Variants in NDUFAF6 observed in about 807,000 individuals in gnomAD.
The protein encoded by NDUFAF6 is NADH:ubiquinone oxidoreductase complex assembly factor 6.
NDUFAF6 carries 45 observed loss-of-function variants against 40.8 expected under a neutral mutation model. The ratio of observed to expected loss-of-function variants is 1.10; its 90% CI spans 0.87 to 1.42. The LOEUF (loss-of-function observed/expected upper bound fraction) is 1.42, where lower values mean the gene tolerates loss of function less well. Among genes scored for constraint, NDUFAF6 ranks in the 40% most tolerant of loss-of-function variants. The probability of loss-of-function intolerance (pLI) is 0.00; values close to 1 mark genes in which losing one functional copy is unlikely to be tolerated. For synonymous variants in NDUFAF6, 185 were observed against 155.9 expected (o/e 1.19, Z -1.39); for missense variants, 435 against 418.5 (o/e 1.04, Z -0.34).
chr8:94,903,516 A>G (rs1563695117), intron 1 of NDUFAF6, among the ~76,000 whole-genome samples: 1 of 152,244 alleles, frequency 6.6e-6, no homozygotes, highest in African/African-American at 2.4e-5. Context: ...TAAAATTTGA[A>G]AGCATGTAAT....
upstream of NDUFAF6, among the ~76,000 whole-genome samples, chr8:95,021,517 G>A (rs1385294374): frequency 6.6e-6 from 1 of 152,142 alleles, no homozygotes; most frequent in African/African-American, 2.4e-5. Flanking sequence ...AACTCTGTGA[G>A]CCTTTTCCCT....
At chr8:94,920,127 GGATAA>G (rs1334772367) in intron 1 of NDUFAF6, among the ~76,000 whole-genome samples, 1 of 152,036 alleles carries the variant, frequency 6.6e-6, no homozygotes, top group Non-Finnish European at 1.5e-5. Flanking sequence ...AACACTACAT[GGATAA>G]GATGATAATA....
chr8:94,902,027 C>T (rs1818050406), intron 1 of NDUFAF6, among the ~76,000 whole-genome samples: 1 of 152,028 alleles, frequency 6.6e-6, no homozygotes, highest in East Asian at 1.9e-4. Context: ...TCCATCATTC[C>T]ATCTTATTTT....
At chr8:95,118,063 A>G (rs149197798), downstream of NDUFAF6, among the ~76,000 whole-genome samples, 1 of 152,202 alleles carries the variant, frequency 6.6e-6, no homozygotes, top group Non-Finnish European at 1.5e-5. Context: ...AGTCACCCTA[A>G]CAACTCATCT....
At chr8:94,948,714 C>T (rs906122930) in intron 2 of NDUFAF6, among the ~76,000 whole-genome samples, 10 of 152,118 alleles carry the variant, frequency 6.6e-5, no homozygotes, top group Non-Finnish European at 1.2e-4. Context: ...GACGCCGAGT[C>T]CCGAAGGGGC....
intron 2 of NDUFAF6, among the ~76,000 whole-genome samples, chr8:95,090,150 G>GGT (rs10674150): frequency 0.87 from 131,523 of 151,918 alleles, 57,204 homozygotes; most frequent in East Asian, 1. Context: ...GATTATGTCT[G>GGT]TCTATTCGGT....
chr8:95,025,065 C>G lies in NDUFAF6; in HGVS notation c.57C>G (p.Gly19=). ...VWGPLRLGIP[G]LCCRRPPLGL... ...GGCCGTTGCGGCTTGGCATCCCCGG[C>G]CTGTGCTGCCGCCGGCCGCCTCTGG... The change falls in exon 1 of 9, where the codon GGC becomes GGG. Residue 19 remains glycine (G), a synonymous_variant. Transcript: ENST00000396124. The G allele has an allele frequency of 7.0e-7, 1 of 1,434,616 alleles. No homozygotes were observed. The highest frequency in any genetic ancestry group is 9.0e-7 in the Non-Finnish European group (1 of 1,105,128). The allele number at this position is 1,434,616 out of a possible 1,614,324, so 88.9% of individuals were successfully genotyped here.
intron 1 of NDUFAF6, among the ~76,000 whole-genome samples, chr8:94,976,672 T>A (rs1824975257): frequency 6.7e-6 from 1 of 148,400 alleles, no homozygotes; most frequent in Non-Finnish European, 1.5e-5. Flanking sequence ...AGACTTCATC[T>A]AAAAAAAAAA....
intron 4 of NDUFAF6, among the ~76,000 whole-genome samples, chr8:95,042,470 T>G (rs1587097463): frequency 6.6e-6 from 1 of 152,308 alleles, no homozygotes; most frequent in East Asian, 1.9e-4. Flanking sequence ...TAAAGAAAAT[T>G]AGGGAACTCA....
At chr8:95,110,979 G>A (rs548573524) in intron 4 of NDUFAF6, among the ~76,000 whole-genome samples, 7 of 152,246 alleles carry the variant, frequency 4.6e-5, no homozygotes, top group Non-Finnish European at 7.3e-5. Context: ...ATCCCAACTC[G>A]CTGATCCCCC....
chr8:95,062,677 C>G (rs995545351), downstream of NDUFAF6, among the ~76,000 whole-genome samples: 7 of 152,208 alleles, frequency 4.6e-5, no homozygotes, highest in Non-Finnish European at 1.0e-4. Context: ...TTGAGGCTGA[C>G]TTCACAAAGC....
At chr8:94,901,049 TG>T (rs2131169658) in intron 1 of NDUFAF6, among the ~76,000 whole-genome samples, 1 of 152,282 alleles carries the variant, frequency 6.6e-6, no homozygotes, top group East Asian at 1.9e-4. Flanking sequence ...GGAGGTGCTA[TG>T]TTAGCTGTTT....
chr8:94,995,551 G>A (rs1249152874), intron 2 of NDUFAF6, among the ~76,000 whole-genome samples: 1 of 151,730 alleles, frequency 6.6e-6, no homozygotes, highest in Non-Finnish European at 1.5e-5. Context: ...ATTGCATGAG[G>A]CCAGGAGTTT....
At chr8:95,111,561 C>T (rs187729111) in intron 4 of NDUFAF6, among the ~76,000 whole-genome samples, 1 of 152,320 alleles carries the variant, frequency 6.6e-6, no homozygotes, top group East Asian at 1.9e-4. Context: ...ATGGTTCCAA[C>T]ATCTTGCTCG....
intron 1 of NDUFAF6, among the ~76,000 whole-genome samples, chr8:95,026,348 G>T (rs1328275621): frequency 1.3e-5 from 2 of 152,120 alleles, no homozygotes; most frequent in African/African-American, 4.8e-5. Context: ...CGCGCTTGTG[G>T]TCCCGGCTGC....
intron 1 of NDUFAF6, among the ~76,000 whole-genome samples, chr8:94,909,382 A>AC (rs1491126011): frequency 0.011 from 620 of 57,862 alleles, 11 homozygotes; most frequent in African/African-American, 0.018. Context: ...AAAAAAAAAA[A>AC]CACTTCGGGA....
intron 1 of NDUFAF6, chr8:94,940,912 CACAA>C: frequency 1.2e-6 from 2 of 1,613,810 alleles, no homozygotes; most frequent in Non-Finnish European, 8.5e-7. Context: ...TGACTTCACC[CACAA>C]ACATTTTATT....
At chr8:94,946,948 C>T (rs796539903) in intron 2 of NDUFAF6, among the ~76,000 whole-genome samples, 11 of 152,006 alleles carry the variant, frequency 7.2e-5, no homozygotes, top group Admixed American at 5.9e-4. Flanking sequence ...CATTTAGCAT[C>T]GCTGCATTTG....
chr8:94,970,355 T>C (rs1824368335), intron 1 of NDUFAF6, among the ~76,000 whole-genome samples: 2 of 151,764 alleles, frequency 1.3e-5, no homozygotes, highest in African/African-American at 4.8e-5. Context: ...ACCCAGAAAT[T>C]CCAGGTCAGG....
Sources: gnomAD v4.1 joint callset for allele counts (sites outside exome capture counted in the v4.1 genomes callset) on GRCh38, gnomAD v4.1.1 for gene constraint, MANE v1.5 for transcripts, NCBI Gene and HGNC (gene_info 2026-07-23, HGNC 2026-07-21) for gene names.